The following HPCAL1 variants were observed in gnomAD, a reference collection of about 807,000 sequenced individuals.
The protein encoded by HPCAL1 is hippocalcin like 1.
In HPCAL1, 8 loss-of-function variants were observed where a neutral mutation model predicts 17.1. That is an observed-to-expected ratio of 0.47 (90% CI 0.27 to 0.84). The LOEUF is 0.84. HPCAL1 is among the 40% of genes least tolerant of loss of function. The pLI is 0.13. For synonymous variants in HPCAL1, 112 were observed against 111.4 expected, an observed-to-expected ratio of 1.01 and a Z score of -0.03; for missense variants, 165 against 271.1, an observed-to-expected ratio of 0.61 and a Z score of 2.75.
intron 1 of HPCAL1, among the ~76,000 whole-genome samples, chr2:10,381,436 G>GACTGTAATGCGC (rs757172612): frequency 1.3e-5 from 2 of 152,192 alleles, no homozygotes; most frequent in Non-Finnish European, 2.9e-5. Context: ...GCTCCTTCTG[G>GACTGTAATGCGC]ACTGTAATGC....
chr2:10,356,808 C>T lies in HPCAL1; in HGVS notation c.-110-40027C>T, dbSNP rs1183485472. Among the ~76,000 whole-genome samples the T allele has an allele frequency of 3.9e-5, 6 of 152,148 alleles. No homozygotes were observed. The East Asian group carries it at 5.8e-4, about 15-fold the overall frequency. ...CTTCCCCCCTCCCTCCAGGTGGACC[C>T]ATGCTTGTGCCCCTGTGCATTCTCC... is the stretch of plus-strand genomic sequence containing the variant. On this transcript the variant is annotated intron_variant, in intron 1 of 4. Coordinates refer to ENST00000307845, the MANE Select transcript of HPCAL1 (RefSeq NM_002149.4).
rs1666940495 is a variant in HPCAL1 at position 10,367,830 on chromosome 2, G to C, written c.-110-29005G>C. Among the ~76,000 whole-genome samples the C allele has an allele frequency of 6.6e-6, 1 of 152,170 alleles. No individual in the cohort carries two copies. The highest frequency in any genetic ancestry group is 1.5e-5 in the Non-Finnish European group (1 of 68,028). On this transcript the variant is annotated intron_variant, in intron 1 of 4. Coordinates refer to ENST00000307845, the MANE Select transcript of HPCAL1 (RefSeq NM_002149.4). The surrounding 1 kb of genome is among the most constrained non-coding windows in gnomAD (Gnocchi z 4.4). ...CGCCGGCCCTGGATCCCCACACAGT[G>C]TGGGGTGTTCAGGATTCCTCATGTG...
Position 10,367,510 on chromosome 2 carries a change from C to A in HPCAL1, c.-110-29325C>A, listed in dbSNP as rs1419170290. On this transcript the variant is annotated intron_variant, in intron 1 of 4. Coordinates refer to ENST00000307845, the MANE Select transcript of HPCAL1 (RefSeq NM_002149.4). This position sits in a 1 kb window ranked among gnomAD's most constrained non-coding sequence, Gnocchi z 4.4. ...CCCAGACTGGTCTTAAACTCCTGGG[C>A]TCAACTAAAATTTTAATCTCCAATT... is the stretch of plus-strand genomic sequence containing the variant. Among the ~76,000 whole-genome samples the A allele has an allele frequency of 6.6e-6, 1 of 152,058 alleles. No individual in the cohort carries two copies. The highest frequency in any genetic ancestry group is 1.5e-5 in the Non-Finnish European group (1 of 68,022).
chr2:10,361,776 G>T (rs1666542671), intron 1 of HPCAL1, among the ~76,000 whole-genome samples: 1 of 151,604 alleles, frequency 6.6e-6, no homozygotes, highest in Non-Finnish European at 1.5e-5. Flanking sequence ...GAGTGCAGTG[G>T]CATGATCTCT....
rs922382052 is a variant in HPCAL1 at position 10,362,320 on chromosome 2, G to C, written c.-110-34515G>C. Among the ~76,000 whole-genome samples, 1 of 152,116 alleles carries C rather than the reference G, an allele frequency of 6.6e-6. No individual in the cohort carries two copies. The highest frequency in any genetic ancestry group is 2.1e-4 in the South Asian group (1 of 4,832). The stretch of plus-strand genomic sequence containing the variant: ...GTCCTGGAGTGGCAGCATGGGGGGC[G>C]GGGGCAGGAGCATGGGGGACAACAG... On this transcript the variant is annotated intron_variant, in intron 1 of 4. Coordinates refer to ENST00000307845, the MANE Select transcript of HPCAL1 (RefSeq NM_002149.4). The surrounding 1 kb of genome is among the most constrained non-coding windows in gnomAD (Gnocchi z 5.0).
Position 10,419,675 on chromosome 2 carries a change from T to A in HPCAL1, c.-24-59T>A. The A allele has an allele frequency of 1.3e-6, 2 of 1,508,662 alleles. No individual in the cohort carries two copies. The highest frequency in any genetic ancestry group is 1.8e-6 in the Non-Finnish European group (2 of 1,126,324). The allele number at this position is 1,508,662 out of a possible 1,614,324, so 93.5% of individuals were successfully genotyped here. ...GGGCTTATTTGGTCTCTCCGGCACA[T>A]GGCTCAGCCCTGCTCCGTGGCCGTG... On this transcript the variant is annotated intron_variant, in intron 2 of 4. Coordinates refer to ENST00000307845, the MANE Select transcript of HPCAL1 (RefSeq NM_002149.4). The surrounding 1 kb of genome is among the most constrained non-coding windows in gnomAD (Gnocchi z 5.0).
rs1665203143 is a variant in HPCAL1, at chr2:10,343,202, C to G, written c.-111+40025C>G. Among the ~76,000 whole-genome samples the G allele has an allele frequency of 6.6e-6, 1 of 152,148 alleles. No individual in the cohort carries two copies. The highest frequency in any genetic ancestry group is 1.9e-4 in the East Asian group (1 of 5,192). ...TAGTTGGTAAATAGCCCCATCACCC[C>G]TCTCCTGGGACCCTGGACCTCTAGC... is the stretch of plus-strand genomic sequence containing the variant. On this transcript the variant is annotated intron_variant, in intron 1 of 4. Coordinates refer to ENST00000307845, the MANE Select transcript of HPCAL1 (RefSeq NM_002149.4). The surrounding 1 kb of genome is among the most constrained non-coding windows in gnomAD (Gnocchi z 4.8).
intron 2 of HPCAL1, among the ~76,000 whole-genome samples, chr2:10,399,340 CCACCACCACCATCACCACCACTACCAT>C (rs1669338409): frequency 5.4e-5 from 3 of 55,728 alleles, no homozygotes; most frequent in Admixed American, 1.4e-4. Context: ...ACCACCACCA[CCACCACCACCATCACCACCACTACCAT>C]CATCACCACC....
rs554051123 is a variant in HPCAL1 at position 10,365,597 on chromosome 2, C to T, written c.-110-31238C>T. Among the ~76,000 whole-genome samples, 10 of 152,162 alleles carry T rather than the reference C, an allele frequency of 6.6e-5. No homozygotes were observed. The highest frequency in any genetic ancestry group is 6.2e-4 in the South Asian group (3 of 4,816). On this transcript the variant is annotated intron_variant, in intron 1 of 4. Transcript: ENST00000307845. The surrounding 1 kb of genome is among the most constrained non-coding windows in gnomAD (Gnocchi z 4.8). ...CTTCAGCCCTGGCGTTATGATGTCC[C>T]GCCCAACCCCCGACCGCACACCTCC...
intron 1 of HPCAL1, among the ~76,000 whole-genome samples, chr2:10,308,195 C>T (rs561500775): frequency 9.2e-4 from 140 of 152,188 alleles, no homozygotes; most frequent in African/African-American, 2.4e-3. Context: ...CTGGATTGTT[C>T]GATGCCTTTC....
chr2:10,320,838 C>T (rs1221435459), intron 1 of HPCAL1, among the ~76,000 whole-genome samples: 1 of 152,224 alleles, frequency 6.6e-6, no homozygotes, highest in African/African-American at 2.4e-5. Flanking sequence ...CCTGCCCGCT[C>T]AGGGCTTCTG....
Position 10,363,132 on chromosome 2 carries a change from A to G in HPCAL1, c.-110-33703A>G, listed in dbSNP as rs990410840. On this transcript the variant is annotated intron_variant, in intron 1 of 4. Coordinates refer to ENST00000307845, the MANE Select transcript of HPCAL1 (RefSeq NM_002149.4). The surrounding 1 kb of genome is among the most constrained non-coding windows in gnomAD (Gnocchi z 4.7). ...CAAGACCTTGTCTCAAAAAGTAAAT[A>G]AAAAATAAAACCCATTCTCACTCTA... Among the ~76,000 whole-genome samples the G allele has an allele frequency of 2.0e-5, 3 of 152,212 alleles. No homozygotes were observed. The highest frequency in any genetic ancestry group is 4.4e-5 in the Non-Finnish European group (3 of 68,040).
chr2:10,376,287 T>G (rs747607574), intron 1 of HPCAL1, among the ~76,000 whole-genome samples: 1 of 152,218 alleles, frequency 6.6e-6, no homozygotes, highest in Non-Finnish European at 1.5e-5. Flanking sequence ...CCATAGCCAT[T>G]TATTAACATA....
chr2:10,358,200 A>C (rs1348038483), intron 1 of HPCAL1, among the ~76,000 whole-genome samples: 1 of 152,236 alleles, frequency 6.6e-6, no homozygotes, highest in East Asian at 1.9e-4. Flanking sequence ...CGGTAACATC[A>C]GGTTGTCAGG....
chr2:10,379,916 C>A (rs1395392551), intron 1 of HPCAL1, among the ~76,000 whole-genome samples: 1 of 152,180 alleles, frequency 6.6e-6, no homozygotes, highest in Non-Finnish European at 1.5e-5. Context: ...TGCAGCCCCC[C>A]TCAACTGGAA....
chr2:10,359,000 C>A (rs1388865085), intron 1 of HPCAL1, among the ~76,000 whole-genome samples: 3 of 152,074 alleles, frequency 2.0e-5, no homozygotes, highest in African/African-American at 7.2e-5. Context: ...GGGGTTGGAG[C>A]CCCACAGCCT....
chr2:10,372,007 T>C (rs1343717720), intron 1 of HPCAL1, among the ~76,000 whole-genome samples: 1 of 152,220 alleles, frequency 6.6e-6, no homozygotes, highest in African/African-American at 2.4e-5. Flanking sequence ...TTTCTTTTGT[T>C]TGCCCTGATT....
chr2:10,346,039 T>C (rs958731318), intron 1 of HPCAL1, among the ~76,000 whole-genome samples: 4 of 151,386 alleles, frequency 2.6e-5, no homozygotes, highest in African/African-American at 7.3e-5. Context: ...GCCCTGGGGG[T>C]GTGTGTGTCT....
chr2:10,411,978 TG>T (rs1338669096), intron 2 of HPCAL1, among the ~76,000 whole-genome samples: 2 of 152,092 alleles, frequency 1.3e-5, no homozygotes, highest in Non-Finnish European at 2.9e-5. Context: ...GAGATGGGGC[TG>T]GGGTGGGGGT....
Sources: gnomAD v4.1 joint callset for allele counts (sites outside exome capture counted in the v4.1 genomes callset) on GRCh38, gnomAD v4.1.1 for gene constraint, Gnocchi (gnomAD v3.1) non-coding constraint, MANE v1.5 for transcripts, NCBI Gene and HGNC (gene_info 2026-07-23, HGNC 2026-07-21) for gene names.